Variants in DIAPH1 observed in about 807,000 individuals in gnomAD.
DIAPH1 encodes the protein diaphanous related formin 1.
DIAPH1 carries 46 observed loss-of-function variants against 140.7 expected under a neutral mutation model. The observed-to-expected ratio is 0.33, with a 90% CI of 0.26 to 0.42. DIAPH1 has a LOEUF of 0.42. Among genes scored for constraint, DIAPH1 ranks in the 10% least tolerant of loss-of-function variants. The pLI is 1.00. For synonymous variants in DIAPH1, 565 were observed against 551.6 expected (o/e 1.02, Z -0.34); for missense variants, 1,310 against 1,558.7 (o/e 0.84, Z 2.69).
intron 26 of DIAPH1, among the ~76,000 whole-genome samples, chr5:141,525,605 G>A (rs1399947696): frequency 6.6e-6 from 1 of 152,082 alleles, no homozygotes; most frequent in Non-Finnish European, 1.5e-5. Context: ...AAGGTACTAG[G>A]GACATAGTAC....
Position 141,618,974 on chromosome 5 carries a change from CGCCCGCCGCCGCCCAGTCGCTCTTTA to C in DIAPH1, c.-86_-61del. ...ACGCCGCTCCCGCCTGGCAGCTCCGCGCCCGCCGCCGCCCAGTCGCTCTTTAGCCAGCCGCCGCGCCCCGCCTCATT... is the reference window on the plus strand; with the variant it reads ...ACGCCGCTCCCGCCTGGCAGCTCCGCGCCAGCCGCCGCGCCCCGCCTCATT... On this transcript the variant is annotated 5_prime_UTR_variant, in exon 1 of 28. Coordinates refer to ENST00000389054, the MANE Select transcript of DIAPH1 (RefSeq NM_005219.5). 1 of 895,428 alleles carries C rather than the reference CGCCCGCCGCCGCCCAGTCGCTCTTTA, an allele frequency of 1.1e-6. No homozygotes were observed. The highest frequency in any genetic ancestry group is 1.6e-6 in the Non-Finnish European group (1 of 645,102). 55.5% of individuals were successfully genotyped at this position (895,428 alleles called of 1,614,324 possible).
At chr5:141,534,293 A>G in intron 19 of DIAPH1, 42 bp downstream of exon 19, 1 of 1,400,654 alleles carries the variant, frequency 7.1e-7, no homozygotes, top group Non-Finnish European at 1.0e-6. Context: ...TCTTAAAAGA[A>G]TTCCTTCACA....
At chr5:141,527,880 C>A (rs1045356506) in intron 23 of DIAPH1, among the ~76,000 whole-genome samples, 183 bp from the exon 24 acceptor site, 6 of 152,100 alleles carry the variant, frequency 3.9e-5, no homozygotes, top group Non-Finnish European at 8.8e-5. Flanking sequence ...AAGTTTTCAT[C>A]TTTCCAGTGA....
chr5:141,539,559 C>T (rs773660282), intron 18 of DIAPH1, among the ~76,000 whole-genome samples: 4 of 151,838 alleles, frequency 2.6e-5, no homozygotes, highest in African/African-American at 9.7e-5. Context: ...CGTGAGCCAC[C>T]GTGCCCCCAG....
intron 27 of DIAPH1, among the ~76,000 whole-genome samples, chr5:141,522,300 C>T (rs1245930620): frequency 6.6e-6 from 1 of 152,192 alleles, no homozygotes; most frequent in Non-Finnish European, 1.5e-5. Flanking sequence ...GTATAAGTCT[C>T]CTCCTATTCC....
rs912149375 is a variant in DIAPH1 at position 141,524,294 on chromosome 5, C to A, written c.3575-65G>T. The stretch of plus-strand genomic sequence containing the variant: ...CAGAGCAGCATGGCAAATATCAAGC[C>A]CCACACAAAATGAATGGCTATTGCT... On this transcript the variant is annotated intron_variant, in intron 26 of 27. Transcript: ENST00000389054. 2.6e-5 allele frequency: 38 copies of A among 1,482,160 alleles called. No individual in the cohort carries two copies. The African/African-American group carries it at 4.4e-4, about 17-fold the overall frequency. The allele number at this position is 1,482,160 out of a possible 1,614,324, so 91.8% of individuals were successfully genotyped here. A position where few individuals can be genotyped will look rare whatever the true frequency, so the allele number is the denominator to read the frequency against.
At position 141,577,495 on chromosome 5, in the gene DIAPH1, G is replaced by T; in HGVS notation, c.1260C>A (p.Val420=). ...FLSILQHLLL[V]RNDYEARPQY... is the part of the protein sequence containing the mutation. ...CTTACCTGGCCTCATAGTCATTTCG[G>T]ACCAAGAGTAAGTGCTGCAGGATGG... Residue 420 remains valine (V), a synonymous_variant, in exon 12 of 28, where the codon GTC becomes GTA. Transcript: ENST00000389054. The T allele has an allele frequency of 1.2e-6, 2 of 1,613,192 alleles. No individual in the cohort carries two copies. Among genetic ancestry groups the T allele is most frequent in the South Asian group, 2.2e-5 (2 of 91,018 alleles).
chr5:141,571,763 T>C, intron 17 of DIAPH1, 163 bp downstream of exon 17: 1 of 722,946 alleles, frequency 1.4e-6, no homozygotes, highest in Non-Finnish European at 2.5e-6. Flanking sequence ...TAATATTTAA[T>C]ACAAAAACAT....
intron 18 of DIAPH1, among the ~76,000 whole-genome samples, chr5:141,552,656 A>C (rs763815464): frequency 6.6e-6 from 1 of 152,202 alleles, no homozygotes; most frequent in African/African-American, 2.4e-5. Flanking sequence ...AATTTGTGGT[A>C]ATTTGTTATA....
intron 18 of DIAPH1, among the ~76,000 whole-genome samples, chr5:141,539,417 T>C (rs1177761288): frequency 7.3e-6 from 1 of 136,326 alleles, no homozygotes; most frequent in African/African-American, 3.2e-5. Context: ...TGGGTAGTTT[T>C]GTTTTTTTTT....
chr5:141,577,513 C>T lies in DIAPH1; in HGVS notation c.1242G>A (p.Leu414=). ...CATTTCGGACCAAGAGTAAGTGCTG[C>T]AGGATGGAAAGGAAGTGTGGCTCTG... ...SKAEPHFLSI[L]QHLLLVRNDY... The change falls in exon 12 of 28, where the codon CTG becomes CTA. Residue 414 remains leucine (L), a synonymous_variant. Transcript: ENST00000389054. The T allele has an allele frequency of 6.2e-7, 1 of 1,613,890 alleles. No individual in the cohort carries two copies. Among genetic ancestry groups the T allele is most frequent in the South Asian group, 1.1e-5 (1 of 91,070 alleles).
Position 141,584,192 on chromosome 5 carries a change from G to T in DIAPH1, c.334C>A (p.Pro112Thr), listed in dbSNP as rs1352182229. ...ATGATGATGTCCTTCTCCCTCAAAGGTTGCTGTTTCTCCTCATTCAGGTTC... is the reference window on the plus strand; with the variant it reads ...ATGATGATGTCCTTCTCCCTCAAAGTTTGCTGTTTCTCCTCATTCAGGTTC... ...DMNLNEEKQQ[P>T]LREKDIIIKR... The change falls in exon 4 of 28, where the codon CCT becomes ACT. Residue 112 changes from proline (P) to threonine (T), a missense_variant. Physicochemically the swap from Pro to Thr is conservative, Grantham distance 38 (BLOSUM62 -1). Coordinates refer to ENST00000389054, the MANE Select transcript of DIAPH1 (RefSeq NM_005219.5). 2 of 1,613,330 alleles carry T rather than the reference G, an allele frequency of 1.2e-6. No individual in the cohort carries two copies. Among genetic ancestry groups the T allele is most frequent in the Non-Finnish European group, 1.7e-6 (2 of 1,179,414 alleles).
intron 16 of DIAPH1, among the ~76,000 whole-genome samples, chr5:141,572,997 T>C (rs2099895418): frequency 6.6e-6 from 1 of 152,244 alleles, no homozygotes; most frequent in Non-Finnish European, 1.5e-5. Flanking sequence ...GAACTCTCCG[T>C]GGTGATGTAT....
At chr5:141,602,406 G>A (rs1043636182) in intron 1 of DIAPH1, among the ~76,000 whole-genome samples, 14 of 152,084 alleles carry the variant, frequency 9.2e-5, no homozygotes, top group African/African-American at 2.9e-4. Flanking sequence ...TAGTAGAGAC[G>A]GGGTTTCACC....
At chr5:141,551,889 A>G (rs1182829039) in intron 18 of DIAPH1, among the ~76,000 whole-genome samples, 2 of 152,230 alleles carry the variant, frequency 1.3e-5, no homozygotes, top group Non-Finnish European at 2.9e-5. Context: ...AATATTTGGC[A>G]ATATTCTGAG....
chr5:141,605,757 C>G (rs1418209510), intron 1 of DIAPH1, among the ~76,000 whole-genome samples: 1 of 152,180 alleles, frequency 6.6e-6, no homozygotes, highest in Non-Finnish European at 1.5e-5. Context: ...AAAGACTATA[C>G]TTAGGTACTA....
chr5:141,580,633 C>G (rs922618203), intron 8 of DIAPH1, 111 bp downstream of exon 8: 2 of 1,074,132 alleles, frequency 1.9e-6, no homozygotes, highest in Admixed American at 1.8e-5. Flanking sequence ...GAAACACAAT[C>G]TTACCTAGTA....
intron 18 of DIAPH1, among the ~76,000 whole-genome samples, chr5:141,538,392 T>A (rs1336286593): frequency 6.0e-4 from 75 of 124,270 alleles, no homozygotes; most frequent in Middle Eastern, 6.2e-3. Context: ...TCGCTCTGTC[T>A]CCCAGGCTGG....
intron 18 of DIAPH1, among the ~76,000 whole-genome samples, chr5:141,556,878 A>T (rs1429673939): frequency 6.6e-6 from 1 of 152,274 alleles, no homozygotes; most frequent in Non-Finnish European, 1.5e-5. Flanking sequence ...TATTTTTAGT[A>T]GAGACGAGGT....
Sources: gnomAD v4.1 joint callset for allele counts (sites outside exome capture counted in the v4.1 genomes callset) on GRCh38, gnomAD v4.1.1 for gene constraint, MANE v1.5 for transcripts, NCBI Gene and HGNC (gene_info 2026-07-23, HGNC 2026-07-21) for gene names.